ZBTB33: variants seen among roughly 807,000 people sequenced by gnomAD.
ZBTB33 encodes zinc finger and BTB domain containing 33.
A neutral mutation model predicts 25.9 loss-of-function variants in ZBTB33; 11 were observed. The ratio of observed to expected loss-of-function variants is 0.42; its 90% CI spans 0.27 to 0.70. The LOEUF (loss-of-function observed/expected upper bound fraction) is 0.70. Ranked by LOEUF, ZBTB33 falls within the 30% of genes least tolerant of loss-of-function variation. The pLI is 0.23. For missense variants in ZBTB33, 343 were observed against 501.1 expected, an observed-to-expected ratio of 0.68 and a Z score of 3.01; for synonymous variants, 157 against 184.8, an observed-to-expected ratio of 0.85 and a Z score of 1.22.
In ZBTB33 at chrX:120,253,911, A is replaced by G. The variant is rs145961211; in HGVS notation, c.496A>G (p.Ile166Val). The change falls in exon 3 of 3, where the codon ATT becomes GTT. Residue 166 changes from isoleucine to valine, a missense_variant. By Grantham distance (29) the Ile-to-Val change is conservative. Transcript: ENST00000557385. ...AQDNGATIMP[I>V]ITESFSLSAE... ...AGATAATGGGGCTACTATAATGCCT[A>G]TTATAACAGAGTCTTTTTCATTATC... The G allele has an allele frequency of 3.1e-5, 37 of 1,209,387 alleles. No homozygotes were observed. Among genetic ancestry groups the G allele is most frequent in the East Asian group, 3.0e-4 (10 of 33,784 alleles).
At position 120,254,386 on chromosome X, in the gene ZBTB33, A is replaced by G; in HGVS notation, c.971A>G (p.Asn324Ser). 1 of 1,211,731 alleles carries G rather than the reference A, an allele frequency of 8.3e-7. No individual in the cohort carries two copies. Among genetic ancestry groups the G allele is most frequent in the Non-Finnish European group, 1.1e-6 (1 of 895,518 alleles). ...CCAAACAGTGCTATTTTAACAGGAA[A>G]CAAGGCCAATGAAGAGGAGGAGGAG... ...QTPNSAILTGNKANEEEEEEI... is the reference protein window; with the variant it reads ...QTPNSAILTGSKANEEEEEEI... The change falls in exon 3 of 3, where the codon AAC (asparagine) becomes AGC (serine). Residue 324 changes from asparagine to serine, a missense_variant. Physicochemically the swap from Asn to Ser is conservative, Grantham distance 46. Around this residue, in one of 2 missense-constraint regions of ZBTB33, gnomAD observed 304 missense variants for 410.0 expected, o/e 0.74. Transcript: ENST00000557385.
intron 1 of ZBTB33, among the ~76,000 whole-genome samples, chrX:120,251,378 A>C (rs1206769573): frequency 3.7e-5 from 4 of 108,436 alleles, no homozygotes; most frequent in Non-Finnish European, 5.8e-5. Context: ...GGGCACAACA[A>C]TGCCGCCTGC....
Position 120,258,064 on chromosome X carries a change from T to C in ZBTB33, c.*2630T>C, listed in dbSNP as rs782602811. On this transcript the variant is annotated 3_prime_UTR_variant, in exon 3 of 3. Coordinates refer to ENST00000557385, the MANE Select transcript of ZBTB33 (RefSeq NM_001184742.2). ...AATATACTTTAAATGATTATTATGA[T>C]TTTGGTGGTAACGATCCCCCACACA... 1 of 123,358 alleles carries C rather than the reference T, an allele frequency of 8.1e-6. No homozygotes were observed. The highest frequency in any genetic ancestry group is 3.7e-4 in the South Asian group (1 of 2,699). The allele number at this position is 123,358 out of a possible 1,213,427, so 10.2% of individuals were successfully genotyped here. A position where few individuals can be genotyped will look rare whatever the true frequency, so the allele number is the denominator to read the frequency against.
At position 120,254,536 on chromosome X, in the gene ZBTB33, A is replaced by T; in HGVS notation, c.1121A>T (p.Lys374Met). The T allele has an allele frequency of 8.3e-7, 1 of 1,211,827 alleles. No individual in the cohort carries two copies. The highest frequency in any genetic ancestry group is 1.1e-6 in the Non-Finnish European group (1 of 895,449). ...NTSFDGSLIQKMQIPTLLQEP... is the reference protein window; with the variant it reads ...NTSFDGSLIQMMQIPTLLQEP... Reference sequence around the variant, plus strand: ...AGTTTTGATGGATCATTAATACAGAAGATGCAGATTCCTACACTTCTTCAA... The same window carrying T: ...AGTTTTGATGGATCATTAATACAGATGATGCAGATTCCTACACTTCTTCAA... The change falls in exon 3 of 3, where the codon AAG becomes ATG. Residue 374 changes from lysine (K) to methionine (M), a missense_variant. Around this residue, in one of 2 missense-constraint regions of ZBTB33, gnomAD observed 304 missense variants for 410.0 expected, o/e 0.74. Coordinates refer to ENST00000557385, the MANE Select transcript of ZBTB33 (RefSeq NM_001184742.2).
In ZBTB33 at chrX:120,255,062, G is replaced by T; in HGVS notation, c.1647G>T (p.Arg549Ser). ...AAATTCATCACACAGGGGAGCGAAG[G>T]TATCAGTGTTTGGCCTGTGGCAAAT... ...KHEIHHTGER[R>S]YQCLACGKSF... is the part of the protein sequence containing the mutation. Residue 549 changes from arginine (R) to serine (S), a missense_variant, in exon 3 of 3, where the codon AGG becomes AGT. This residue lies in a region of ZBTB33 where 304 missense variants were observed against 410.0 expected (regional missense o/e 0.74). Coordinates refer to ENST00000557385, the MANE Select transcript of ZBTB33 (RefSeq NM_001184742.2). The T allele has an allele frequency of 8.3e-7, 1 of 1,211,977 alleles. No homozygotes were observed. Among genetic ancestry groups the T allele is most frequent in the Non-Finnish European group, 1.1e-6 (1 of 895,544 alleles).
At chrX:120,251,879 A>G (rs1296817304) in intron 1 of ZBTB33, among the ~76,000 whole-genome samples, 1 of 112,311 alleles carries the variant, frequency 8.9e-6, no homozygotes, top group African/African-American at 3.2e-5. Context: ...ACGCATTCCC[A>G]TATTGGAAGA....
Position 120,257,809 on chromosome X carries a change from T to C in ZBTB33, c.*2375T>C, listed in dbSNP as rs2057648160. 1 of 123,204 alleles carries C rather than the reference T, an allele frequency of 8.1e-6. No homozygotes were observed. The highest frequency in any genetic ancestry group is 1.9e-5 in the Non-Finnish European group (1 of 53,175). The allele number at this position is 123,204 out of a possible 1,213,427, so 10.2% of individuals were successfully genotyped here. A position where few individuals can be genotyped will look rare whatever the true frequency, so the allele number is the denominator to read the frequency against. ...GGATTGGAAATCTGTAGCAAGATGCTGTTTAAAATTACCATATTGTTTTTT... is the reference window on the plus strand; with the variant it reads ...GGATTGGAAATCTGTAGCAAGATGCCGTTTAAAATTACCATATTGTTTTTT... On this transcript the variant is annotated 3_prime_UTR_variant, in exon 3 of 3. Transcript: ENST00000557385.
chrX:120,251,250 C>T (rs1216501509), intron 1 of ZBTB33, among the ~76,000 whole-genome samples: 2 of 111,299 alleles, frequency 1.8e-5, no homozygotes, highest in Non-Finnish European at 3.8e-5. Context: ...CACAGAGACC[C>T]ACTTGGCTTT....
chrX:120,254,924 T>C lies in ZBTB33; in HGVS notation c.1509T>C (p.Tyr503=). The part of the protein sequence containing the change: ...YYICIVCKRS[Y]VCLTSLRRHF... ...TCTGTATTGTATGCAAAAGGTCATA[T>C]GTCTGTCTGACAAGCTTGCGGAGAC... is the stretch of plus-strand genomic sequence containing the variant. The change falls in exon 3 of 3, where the codon TAT becomes TAC. Residue 503 remains tyrosine, a synonymous_variant. Coordinates refer to ENST00000557385, the MANE Select transcript of ZBTB33 (RefSeq NM_001184742.2). The C allele has an allele frequency of 1.6e-6, 2 of 1,212,342 alleles. No homozygotes were observed. Among genetic ancestry groups the C allele is most frequent in the Admixed American group, 2.2e-5 (1 of 46,110 alleles).
In ZBTB33 at chrX:120,257,139, G is replaced by A. The variant is rs1298066875; in HGVS notation, c.*1705G>A. On this transcript the variant is annotated 3_prime_UTR_variant, in exon 3 of 3. Coordinates refer to ENST00000557385, the MANE Select transcript of ZBTB33 (RefSeq NM_001184742.2). ...AGTGATGTGCATTTATCTGTTTTCTGTTCTGTAAGTCTAGACCTTCAAACC... is the reference window on the plus strand; with the variant it reads ...AGTGATGTGCATTTATCTGTTTTCTATTCTGTAAGTCTAGACCTTCAAACC... The A allele has an allele frequency of 8.2e-6, 1 of 122,453 alleles. No homozygotes were observed. Among genetic ancestry groups the A allele is most frequent in the East Asian group, 2.8e-4 (1 of 3,594 alleles). The allele number at this position is 122,453 out of a possible 1,213,427, so 10.1% of individuals were successfully genotyped here.
Position 120,256,844 on chromosome X carries a change from G to A in ZBTB33, c.*1410G>A, listed in dbSNP as rs1556015579. The A allele has an allele frequency of 8.3e-6, 1 of 120,562 alleles. No homozygotes were observed. The highest frequency in any genetic ancestry group is 1.9e-5 in the Non-Finnish European group (1 of 52,548). The allele number at this position is 120,562 out of a possible 1,213,427, so 9.9% of individuals were successfully genotyped here. On this transcript the variant is annotated 3_prime_UTR_variant, in exon 3 of 3. Coordinates refer to ENST00000557385, the MANE Select transcript of ZBTB33 (RefSeq NM_001184742.2). ...ATACTGGAAAAGATTGTTGTGCATA[G>A]TTATTAGTCATTTGTAACCTTGCTT...
chrX:120,253,137 A>G (rs782628192), intron 2 of ZBTB33, among the ~76,000 whole-genome samples: 82 of 111,600 alleles, frequency 7.3e-4, no homozygotes, highest in Non-Finnish European at 1.4e-3. Flanking sequence ...GTGGAGGTGC[A>G]TGTATCTAAT....
chrX:120,254,335 A>G lies in ZBTB33; in HGVS notation c.920A>G (p.Asn307Ser), dbSNP rs782571951. ...CCAAATCATATGCCCTCTTCAATCA[A>G]TTTACTTGTGCAGAATCAGCAGACA... Reference protein sequence around the residue: ...SLPNHMPSSINLLVQNQQTPN... With the variant: ...SLPNHMPSSISLLVQNQQTPN... Residue 307 changes from asparagine to serine, a missense_variant, in exon 3 of 3, where the codon AAT becomes AGT. Asn to Ser is a conservative substitution (Grantham distance 46). Around this residue, in one of 2 missense-constraint regions of ZBTB33, gnomAD observed 304 missense variants for 410.0 expected, o/e 0.74. Transcript: ENST00000557385. 14 of 1,209,885 alleles carry G rather than the reference A, an allele frequency of 1.2e-5. No individual in the cohort carries two copies. Among genetic ancestry groups the G allele is most frequent in the Admixed American group, 8.7e-5 (4 of 45,732 alleles).
intron 1 of ZBTB33, among the ~76,000 whole-genome samples, chrX:120,251,291 C>T (rs2057597876): frequency 9.0e-6 from 1 of 110,554 alleles, no homozygotes; most frequent in African/African-American, 3.3e-5. Context: ...TTTTTTGTGC[C>T]TCTTTTACTC....
Position 120,253,513 on chromosome X carries a change from A to G in ZBTB33, c.98A>G (p.Asp33Gly), listed in dbSNP as rs1556014668. 1 of 1,211,778 alleles carries G rather than the reference A, an allele frequency of 8.3e-7. No individual in the cohort carries two copies. Residue 33 changes from aspartate (D) to glycine (G), a missense_variant, in exon 3 of 3, where the codon GAT becomes GGT. Physicochemically the swap from Asp to Gly is moderately conservative, Grantham distance 94. Coordinates refer to ENST00000557385, the MANE Select transcript of ZBTB33 (RefSeq NM_001184742.2). ...CAACGTGGCCATGGACTCTTCTGTGATGTTACCGTTATTGTGGAAGACCGA... is the reference window on the plus strand; with the variant it reads ...CAACGTGGCCATGGACTCTTCTGTGGTGTTACCGTTATTGTGGAAGACCGA... ...NEQRGHGLFC[D>G]VTVIVEDRKF...
Position 120,255,057 on chromosome X carries a change from C to A in ZBTB33, c.1642C>A (p.Arg548=). 8.3e-7 allele frequency: 1 copy of A among 1,211,621 alleles called. No homozygotes were observed. The highest frequency in any genetic ancestry group is 1.8e-5 in the South Asian group (1 of 56,983). Residue 548 remains arginine (R), a synonymous_variant, in exon 3 of 3, where the codon CGA becomes AGA. Transcript: ENST00000557385. The part of the protein sequence containing the change: ...TKHEIHHTGE[R]RYQCLACGKS... ...GCATGAAATTCATCACACAGGGGAG[C>A]GAAGGTATCAGTGTTTGGCCTGTGG...
At position 120,257,274 on chromosome X, in the gene ZBTB33, CTT is replaced by C. The variant is rs1209450354; in HGVS notation, c.*1842_*1843del. On this transcript the variant is annotated 3_prime_UTR_variant, in exon 3 of 3. Coordinates refer to ENST00000557385, the MANE Select transcript of ZBTB33 (RefSeq NM_001184742.2). ...TTGTGTAGATATTAATAACATTACT[CTT>C]TGACTATAGTGTGCACTCTGAAATG... 1 of 122,378 alleles carries C rather than the reference CTT, an allele frequency of 8.2e-6. No individual in the cohort carries two copies. Among genetic ancestry groups the C allele is most frequent in the African/African-American group, 3.3e-5 (1 of 30,665 alleles). The allele number at this position is 122,378 out of a possible 1,213,427, so 10.1% of individuals were successfully genotyped here.
chrX:120,254,804 A>G lies in ZBTB33; in HGVS notation c.1389A>G (p.Ile463Met). The change falls in exon 3 of 3, where the codon ATA becomes ATG. Residue 463 changes from isoleucine (I) to methionine (M), a missense_variant. Physicochemically the swap from Ile to Met is conservative, Grantham distance 10. Coordinates refer to ENST00000557385, the MANE Select transcript of ZBTB33 (RefSeq NM_001184742.2). Reference protein sequence around the residue: ...DEGEARLENEIPKTSGSEMAN... With the variant: ...DEGEARLENEMPKTSGSEMAN... ...GGGAGGCCAGACTTGAGAATGAAATACCAAAAACGTCTGGCAGCGAGATGG... is the reference window on the plus strand; with the variant it reads ...GGGAGGCCAGACTTGAGAATGAAATGCCAAAAACGTCTGGCAGCGAGATGG... 1.7e-6 allele frequency: 2 copies of G among 1,212,024 alleles called. No homozygotes were observed. The highest frequency in any genetic ancestry group is 1.8e-5 in the South Asian group (1 of 56,989).
rs782807099 is a variant in ZBTB33, at chrX:120,256,561, T to C, written c.*1127T>C. 5 of 122,852 alleles carry C rather than the reference T, an allele frequency of 4.1e-5. No homozygotes were observed. The highest frequency in any genetic ancestry group is 1.3e-4 in the African/African-American group (4 of 30,676). The allele number at this position is 122,852 out of a possible 1,213,427, so 10.1% of individuals were successfully genotyped here. On this transcript the variant is annotated 3_prime_UTR_variant, in exon 3 of 3. Coordinates refer to ENST00000557385, the MANE Select transcript of ZBTB33 (RefSeq NM_001184742.2). Reference sequence around the variant, plus strand: ...CCATCTGCAAATTGCTGCAATATTATAGTAATCAGAAACTACATAAGGAAT... The same window carrying C: ...CCATCTGCAAATTGCTGCAATATTACAGTAATCAGAAACTACATAAGGAAT...
Sources: gnomAD v4.1 joint callset for allele counts (sites outside exome capture counted in the v4.1 genomes callset) on GRCh38, gnomAD v4.1.1 for gene constraint, gnomAD v4.1.1 regional missense constraint, MANE v1.5 for transcripts, NCBI Gene and HGNC (gene_info 2026-07-23, HGNC 2026-07-21) for gene names.